The following SLC5A4 variants were observed in gnomAD, a reference collection of about 807,000 sequenced individuals.
The protein encoded by SLC5A4 is probable glucose sensor protein SLC5A4.
In SLC5A4, 55 loss-of-function variants were observed where a neutral mutation model predicts 70.3. The observed-to-expected ratio is 0.78, with a 90% CI of 0.63 to 0.98. The LOEUF (loss-of-function observed/expected upper bound fraction) is 0.98. Ranked by LOEUF, SLC5A4 falls within the 50% of genes least tolerant of loss-of-function variation. SLC5A4 has a pLI of 0.00. For missense variants in SLC5A4, 735 were observed against 839.2 expected (o/e 0.88, Z 1.53); for synonymous variants, 268 against 305.7 (o/e 0.88, Z 1.29).
chr22:32,336,623 G>A, the SLC5A4 span, among the ~76,000 whole-genome samples: 1 of 152,208 alleles, frequency 6.6e-6, no homozygotes, highest in Non-Finnish European at 1.5e-5. Context: ...CCTGACAGCT[G>A]CACCCTGGGC....
chr22:32,343,905 T>C, the SLC5A4 span, among the ~76,000 whole-genome samples: 2 of 152,232 alleles, frequency 1.3e-5, no homozygotes, highest in African/African-American at 2.4e-5. Context: ...CCTGGCATTA[T>C]AGATCTAATA....
At chr22:32,340,678 G>T in the SLC5A4 span, among the ~76,000 whole-genome samples, 1 of 152,198 alleles carries the variant, frequency 6.6e-6, no homozygotes, top group African/African-American at 2.4e-5. Flanking sequence ...TCCCGGAGGG[G>T]AGAGGTCTGG....
At chr22:32,318,247 G>A in the SLC5A4 span, among the ~76,000 whole-genome samples, 1 of 148,370 alleles carries the variant, frequency 6.7e-6, no homozygotes, top group Non-Finnish European at 1.5e-5. Flanking sequence ...TTTTTTTTGA[G>A]ATGGAGCTGG....
At chr22:32,340,420 C>G in the SLC5A4 span, among the ~76,000 whole-genome samples, 1 of 152,308 alleles carries the variant, frequency 6.6e-6, no homozygotes, top group African/African-American at 2.4e-5. Flanking sequence ...GGGGTCACAG[C>G]TGAGCACAAG....
the SLC5A4 span, among the ~76,000 whole-genome samples, chr22:32,293,209 G>A: frequency 6.6e-6 from 1 of 152,128 alleles, no homozygotes; most frequent in East Asian, 1.9e-4. Flanking sequence ...TATAGTTGGT[G>A]TTTTTGGTTT....
the SLC5A4 span, among the ~76,000 whole-genome samples, chr22:32,279,634 T>C: frequency 1.3e-5 from 2 of 152,134 alleles, no homozygotes; most frequent in Admixed American, 1.3e-4. Flanking sequence ...CTACTAAAAA[T>C]ACAAAAATTA....
chr22:32,229,101 A>T, intron 11 of SLC5A4, 93 bp downstream of exon 11: 1 of 1,186,622 alleles, frequency 8.4e-7, no homozygotes, highest in Non-Finnish European at 1.2e-6. Context: ...TGCTATGATT[A>T]CTTTCACCAA....
At chr22:32,347,071 A>C in the SLC5A4 span, among the ~76,000 whole-genome samples, 31 of 152,378 alleles carry the variant, frequency 2.0e-4, no homozygotes, top group South Asian at 6.0e-3. Flanking sequence ...TCTCAAAAGA[A>C]GACGTTTATG....
chr22:32,333,350 G>A, the SLC5A4 span, among the ~76,000 whole-genome samples: 2 of 152,164 alleles, frequency 1.3e-5, no homozygotes, highest in Admixed American at 6.5e-5. Flanking sequence ...ACCTCAGTGA[G>A]GTTTTGAGGA....
At chr22:32,244,087 T>A (rs1170826625) in intron 5 of SLC5A4, among the ~76,000 whole-genome samples, 1 of 152,216 alleles carries the variant, frequency 6.6e-6, no homozygotes, top group Non-Finnish European at 1.5e-5. Flanking sequence ...TATCATCCCA[T>A]GCGATACTGA....
At position 32,229,234 on chromosome 22, in the gene SLC5A4, G is replaced by A. The variant is rs756557197; in HGVS notation, c.1240C>T (p.Arg414Trp). The change falls in exon 11 of 15, where the codon CGG becomes TGG. Residue 414 changes from arginine to tryptophan, a missense_variant. Transcript: ENST00000266086. ...LFTIDLYTKM[R>W]KQASEKELLI... ...AGCTCTTTCTCCGACGCTTGCTTCC[G>A]CATCTTGGTGTAGAGGTCAATGGTG... is the stretch of plus-strand genomic sequence containing the variant. 2.5e-5 allele frequency: 40 copies of A among 1,613,922 alleles called. No individual in the cohort carries two copies. The highest frequency in any genetic ancestry group is 8.8e-5 in the South Asian group (8 of 91,058).
At chr22:32,349,828 T>C in the SLC5A4 span, among the ~76,000 whole-genome samples, 1 of 152,194 alleles carries the variant, frequency 6.6e-6, no homozygotes, top group Non-Finnish European at 1.5e-5. Flanking sequence ...ATTTCTCTCT[T>C]TTTCTAAATA....
At chr22:32,352,654 GC>G in the SLC5A4 span, among the ~76,000 whole-genome samples, 32 of 152,218 alleles carry the variant, frequency 2.1e-4, no homozygotes, top group East Asian at 6.2e-3. Flanking sequence ...AGGCAGGGCT[GC>G]CCCCCAACGC....
At chr22:32,348,671 G>A in the SLC5A4 span, among the ~76,000 whole-genome samples, 4 of 152,030 alleles carry the variant, frequency 2.6e-5, no homozygotes, top group Non-Finnish European at 5.9e-5. Context: ...ATGACTATAA[G>A]GTAAGATTTT....
At chr22:32,292,241 TAATATATACTAGATATTATATATAATAC>T in the SLC5A4 span, among the ~76,000 whole-genome samples, 1 of 34,612 alleles carries the variant, frequency 2.9e-5, no homozygotes, top group African/African-American at 1.1e-4. Flanking sequence ...ATTATATATA[TAATATATACTAGATATTATATATAATAC>T]ATACTAGATA....
chr22:32,258,878 T>C (rs1275635251), upstream of SLC5A4, among the ~76,000 whole-genome samples: 2 of 152,256 alleles, frequency 1.3e-5, no homozygotes, highest in African/African-American at 4.8e-5. Context: ...ATCCATGGAA[T>C]ATTATTCAGC....
chr22:32,335,002 T>C, the SLC5A4 span, among the ~76,000 whole-genome samples: 1 of 152,170 alleles, frequency 6.6e-6, no homozygotes, highest in African/African-American at 2.4e-5. Context: ...TCCGCAGTGC[T>C]GGGCAGGGAG....
chr22:32,338,533 T>A, the SLC5A4 span, among the ~76,000 whole-genome samples: 1 of 151,994 alleles, frequency 6.6e-6, no homozygotes, highest in East Asian at 1.9e-4. Flanking sequence ...GGCGTGGTGG[T>A]GGGCGCCTGT....
At chr22:32,270,553 A>G in the SLC5A4 span, 2 of 718,482 alleles carry the variant, frequency 2.8e-6, no homozygotes, top group Non-Finnish European at 5.1e-6. Flanking sequence ...AGACTCAACC[A>G]TATTCCCGCA....
Sources: allele counts gnomAD v4.1 joint callset (sites outside exome capture counted in the v4.1 genomes callset), GRCh38; gene constraint gnomAD v4.1.1; transcripts MANE v1.5; gene names NCBI Gene and HGNC (gene_info 2026-07-23, HGNC 2026-07-21).